The following ASTN2 variants were observed in gnomAD, a reference collection of about 807,000 sequenced individuals.
ASTN2 encodes astrotactin-2.
In ASTN2, 54 loss-of-function variants were observed where a neutral mutation model predicts 139.8. The ratio of observed to expected loss-of-function variants is 0.39; its 90% CI spans 0.31 to 0.48. The LOEUF (loss-of-function observed/expected upper bound fraction) is 0.48, where lower values mean the gene tolerates loss of function less well. ASTN2 is among the 20% of genes least tolerant of loss of function. ASTN2 has a pLI of 0.95. For missense variants in ASTN2, 1,565 were observed against 1,725.1 expected (o/e 0.91, Z 1.64); for synonymous variants, 756 against 719.5 (o/e 1.05, Z -0.81).
chr9:117,207,049 C>T (rs1482750732), intron 3 of ASTN2, among the ~76,000 whole-genome samples: 1 of 152,186 alleles, frequency 6.6e-6, no homozygotes, highest in African/African-American at 2.4e-5. Context: ...ACAGCCCCAT[C>T]AGCCACTCCT....
chr9:116,999,895 A>G (rs1229161910), intron 7 of ASTN2, among the ~76,000 whole-genome samples: 3 of 152,074 alleles, frequency 2.0e-5, no homozygotes, highest in South Asian at 4.1e-4. Context: ...CAGAAGTCAC[A>G]CAAGGACTAA....
intron 5 of ASTN2, among the ~76,000 whole-genome samples, chr9:117,045,128 TCTC>T (rs1412839475): frequency 9.2e-5 from 14 of 152,006 alleles, no homozygotes; most frequent in African/African-American, 2.4e-4. Flanking sequence ...ACCCACAAAA[TCTC>T]TGTGTGACAC....
Position 117,096,025 on chromosome 9 carries a change from C to A in ASTN2, c.1276+19G>T. The A allele has an allele frequency of 6.2e-7, 1 of 1,609,566 alleles. No individual in the cohort carries two copies. The highest frequency in any genetic ancestry group is 8.5e-7 in the Non-Finnish European group (1 of 1,176,170). On this transcript the variant is annotated intron_variant, in intron 5 of 22. Transcript: ENST00000313400. ...CTTCTACAAACTCTGGTTCTGGAAC[C>A]TTCCAAGGACACTATTACCTTTGCT...
chr9:116,451,792 A>G (rs895380831), intron 20 of ASTN2, among the ~76,000 whole-genome samples: 1 of 151,316 alleles, frequency 6.6e-6, no homozygotes, highest in Admixed American at 6.6e-5. Context: ...TGAGGAGTGA[A>G]TAAGACAGTG....
chr9:116,971,218 T>C (rs149557459), intron 10 of ASTN2, among the ~76,000 whole-genome samples: 1 of 152,316 alleles, frequency 6.6e-6, no homozygotes, highest in Non-Finnish European at 1.5e-5. Context: ...GCATCGTTAG[T>C]GTCTCAAATG....
chr9:117,186,882 G>A (rs1056405550), intron 3 of ASTN2, among the ~76,000 whole-genome samples: 3 of 152,202 alleles, frequency 2.0e-5, no homozygotes, highest in African/African-American at 7.2e-5. Context: ...TGTAATCCTA[G>A]CACTTTGGGA....
At chr9:117,345,247 T>A (rs774088466) in intron 1 of ASTN2, among the ~76,000 whole-genome samples, 5 of 152,106 alleles carry the variant, frequency 3.3e-5, no homozygotes, top group African/African-American at 4.8e-5. Flanking sequence ...AACCAGTATA[T>A]ATTGAGTACC....
At chr9:116,839,803 C>T (rs1416007230) in intron 11 of ASTN2, among the ~76,000 whole-genome samples, 8 of 151,242 alleles carry the variant, frequency 5.3e-5, no homozygotes, top group Admixed American at 1.3e-4. Context: ...CCTGAGTAGC[C>T]GGGACCACAG....
chr9:116,802,422 G>A (rs943014638), intron 13 of ASTN2, among the ~76,000 whole-genome samples: 12 of 152,240 alleles, frequency 7.9e-5, no homozygotes, highest in African/African-American at 1.2e-4. Flanking sequence ...TCTGTTGGCC[G>A]TGGGAAGATA....
chr9:117,188,877 G>A (rs1395020139), intron 3 of ASTN2, among the ~76,000 whole-genome samples: 2 of 152,116 alleles, frequency 1.3e-5, no homozygotes, highest in African/African-American at 2.4e-5. Flanking sequence ...CTATTTGCAG[G>A]CAGGTCGGTG....
intron 2 of ASTN2, among the ~76,000 whole-genome samples, chr9:117,287,838 T>A (rs1409354823): frequency 6.6e-6 from 1 of 152,228 alleles, no homozygotes; most frequent in Non-Finnish European, 1.5e-5. Flanking sequence ...TGTGCCAGCC[T>A]GGGTATTAGG....
At chr9:116,564,753 C>T (rs984650896) in intron 19 of ASTN2, among the ~76,000 whole-genome samples, 28 of 151,882 alleles carry the variant, frequency 1.8e-4, no homozygotes, top group African/African-American at 6.8e-4. Flanking sequence ...TTCATATAGT[C>T]ATATATAGAT....
intron 16 of ASTN2, among the ~76,000 whole-genome samples, chr9:116,712,846 G>C (rs114374728): frequency 6.6e-6 from 1 of 152,152 alleles, no homozygotes; most frequent in Non-Finnish European, 1.5e-5. Flanking sequence ...TGTTACGAAC[G>C]TAAAAATGTG....
chr9:116,771,239 G>A (rs1016461535), intron 13 of ASTN2, among the ~76,000 whole-genome samples: 3 of 152,156 alleles, frequency 2.0e-5, no homozygotes, highest in African/African-American at 4.8e-5. Context: ...AAGAGAGGAA[G>A]CTAATGGACT....
intron 1 of ASTN2, among the ~76,000 whole-genome samples, chr9:117,358,620 G>T (rs146214650): frequency 6.6e-6 from 1 of 152,006 alleles, no homozygotes; most frequent in African/African-American, 2.4e-5. Context: ...GATGGAGTGC[G>T]GAAATTATCA....
At chr9:116,682,836 T>C (rs1418345322) in intron 16 of ASTN2, among the ~76,000 whole-genome samples, 1 of 151,580 alleles carries the variant, frequency 6.6e-6, no homozygotes, top group African/African-American at 2.4e-5. Context: ...TGAGAACACA[T>C]GGACACAGGA....
chr9:117,409,685 G>C (rs1831107417), intron 1 of ASTN2, among the ~76,000 whole-genome samples: 1 of 152,188 alleles, frequency 6.6e-6, no homozygotes, highest in Non-Finnish European at 1.5e-5. Context: ...ACACAGGCTG[G>C]AGTGCTGTGG....
chr9:117,253,568 G>A (rs552228805), intron 2 of ASTN2, among the ~76,000 whole-genome samples: 7 of 152,298 alleles, frequency 4.6e-5, no homozygotes, highest in South Asian at 2.1e-4. Context: ...TTTCTGTGCC[G>A]GGCCTTTGCC....
At chr9:116,918,258 A>G (rs952235044) in intron 10 of ASTN2, among the ~76,000 whole-genome samples, 7 of 152,178 alleles carry the variant, frequency 4.6e-5, no homozygotes, top group African/African-American at 1.4e-4. Context: ...ACCCAGAGCT[A>G]GCAGAGTAGA....
Sources: allele counts gnomAD v4.1 joint callset (sites outside exome capture counted in the v4.1 genomes callset), GRCh38; gene constraint gnomAD v4.1.1; transcripts MANE v1.5; gene names NCBI Gene and HGNC (gene_info 2026-07-23, HGNC 2026-07-21).